PHF1: variants seen among roughly 807,000 people sequenced by gnomAD.
The protein encoded by PHF1 is polycomb-like 1.
In PHF1, 16 loss-of-function variants were observed where a neutral mutation model predicts 69.4. The observed-to-expected ratio is 0.23, with a 90% CI of 0.16 to 0.35. PHF1 has a LOEUF of 0.35. PHF1 is among the 10% of genes least tolerant of loss of function. The probability of loss-of-function intolerance (pLI) is 1.00; values close to 1 mark genes in which losing one functional copy is unlikely to be tolerated. For synonymous variants in PHF1, 274 were observed against 275.0 expected (o/e 1.00, Z 0.04); for missense variants, 515 against 732.8 (o/e 0.70, Z 3.43).
rs761925397 is a variant in PHF1, at chr6:33,415,657, G to C, written c.1402G>C (p.Gly468Arg). ...ASTAGTSGDS[G>R]PPDRSPLELH... ...CACCGCAGGGACCTCTGGGGACAGT[G>C]GACCCCCAGACAGGTGAGATTCTGT... Residue 468 changes from glycine to arginine, a missense_variant, in exon 14 of 15, where the codon GGA becomes CGA. Gly to Arg is a moderately radical substitution (Grantham distance 125). This residue lies in a region of PHF1 where 274 missense variants were observed against 304.5 expected (regional missense o/e 0.90). Coordinates refer to ENST00000374516, the MANE Select transcript of PHF1 (RefSeq NM_024165.3). 6.2e-7 allele frequency: 1 copy of C among 1,613,816 alleles called. No homozygotes were observed. Among genetic ancestry groups the C allele is most frequent in the Non-Finnish European group, 8.5e-7 (1 of 1,179,800 alleles).
intron 13 of PHF1, 87 bp downstream of exon 13, chr6:33,415,416 C>A: frequency 7.8e-7 from 1 of 1,286,648 alleles, no homozygotes; most frequent in Non-Finnish European, 1.1e-6. Context: ...TCTTTTCCCT[C>A]TCCCCCTTGG....
rs113107925 is a variant in PHF1 at position 33,412,965 on chromosome 6, T to C, written c.337+172T>C. On this transcript the variant is annotated intron_variant, in intron 4 of 14. Transcript: ENST00000374516. This position sits in a 1 kb window ranked among gnomAD's most constrained non-coding sequence, Gnocchi z 4.2. ...GAGAAGCAGCCATGGAAAGGGGTGG[T>C]ATAACCTTTGCAGGCAGAAGATGGT... is the stretch of plus-strand genomic sequence containing the variant. 0.014 allele frequency: 9,786 copies of C among 695,168 alleles called. 741 individuals are homozygous for C. In the African/African-American group the frequency reaches 0.16, roughly 11 times the overall value. The allele number at this position is 695,168 out of a possible 1,614,324, so 43.1% of individuals were successfully genotyped here.
intron 1 of PHF1, among the ~76,000 whole-genome samples, chr6:33,411,781 G>T (rs1055031892): frequency 1.3e-5 from 2 of 152,136 alleles, no homozygotes; most frequent in African/African-American, 4.8e-5. Flanking sequence ...CTGGTGATGG[G>T]TGCCCAGTGG....
At position 33,416,192 on chromosome 6, in the gene PHF1, G is replaced by C. The variant is rs768716810; in HGVS notation, c.*94G>C. ...CCTACAGCTGGGATGTACCTGGAGAGATAGGGGGTAGTTCTCCCTACTGCC... is the reference window on the plus strand; with the variant it reads ...CCTACAGCTGGGATGTACCTGGAGACATAGGGGGTAGTTCTCCCTACTGCC... On this transcript the variant is annotated 3_prime_UTR_variant, in exon 15 of 15. Coordinates refer to ENST00000374516, the MANE Select transcript of PHF1 (RefSeq NM_024165.3). 8.7e-7 allele frequency: 1 copy of C among 1,144,932 alleles called. No individual in the cohort carries two copies. The highest frequency in any genetic ancestry group is 1.2e-6 in the Non-Finnish European group (1 of 831,294). 70.9% of individuals were successfully genotyped at this position (1,144,932 alleles called of 1,614,324 possible).
At chr6:33,415,357 A>G (rs370966068) in intron 13 of PHF1, 28 bp downstream of exon 13, 334 of 1,528,566 alleles carry the variant, frequency 2.2e-4, no homozygotes, top group Non-Finnish European at 2.7e-4. Context: ...CCTCCCCCAC[A>G]AAATATGCTC....
At chr6:33,410,952 C>G (rs1466893614), upstream of PHF1, 1 of 145,198 alleles carries the variant, frequency 6.9e-6, no homozygotes, top group African/African-American at 2.6e-5. Flanking sequence ...CCCAGTCCTC[C>G]CCTCCCACCA....
intron 14 of PHF1, 31 bp from the exon 15 acceptor site, chr6:33,415,769 TCCATTTCTGC>T (rs1172066207): frequency 6.3e-7 from 1 of 1,599,546 alleles, no homozygotes; most frequent in Non-Finnish European, 8.6e-7. Flanking sequence ...ACATGTGCTC[TCCATTTCTGC>T]CCATTTCTTA....
chr6:33,412,079 C>T lies in PHF1; in HGVS notation c.-16-169C>T, dbSNP rs1292337895. Among the ~76,000 whole-genome samples, 3 of 151,678 alleles carry T rather than the reference C, an allele frequency of 2.0e-5. No individual in the cohort carries two copies. Among genetic ancestry groups the T allele is most frequent in the Non-Finnish European group, 4.4e-5 (3 of 67,954 alleles). On this transcript the variant is annotated intron_variant, in intron 1 of 14. Coordinates refer to ENST00000374516, the MANE Select transcript of PHF1 (RefSeq NM_024165.3). This position sits in a 1 kb window ranked among gnomAD's most constrained non-coding sequence, Gnocchi z 4.2. ...TGGGAGACTGAGGCAGGAGAATTGC[C>T]TGAACCCGGGAGGTGGAGGTTGCAG... is the stretch of plus-strand genomic sequence containing the variant.
At chr6:33,413,052 A>G (rs1237906222) in intron 4 of PHF1, 144 bp from the exon 5 acceptor site, 4 of 815,518 alleles carry the variant, frequency 4.9e-6, no homozygotes, top group Non-Finnish European at 8.3e-6. Flanking sequence ...TAGGAGCCTC[A>G]GTTCCCTGAC....
chr6:33,412,436 C>T lies in PHF1; in HGVS notation c.159+14C>T, dbSNP rs746555129. ...ACCATCAAAAAGGTAAGACCTTCTA[C>T]CTCTGACCTTCTTCCTAGTTCCCTT... is the stretch of plus-strand genomic sequence containing the variant. On this transcript the variant is annotated intron_variant, in intron 2 of 14. Transcript: ENST00000374516. The surrounding 1 kb of genome is among the most constrained non-coding windows in gnomAD (Gnocchi z 4.2). 2 of 1,614,208 alleles carry T rather than the reference C, an allele frequency of 1.2e-6. No individual in the cohort carries two copies. The highest frequency in any genetic ancestry group is 1.1e-5 in the South Asian group (1 of 91,082).
chr6:33,414,951 A>C lies in PHF1; in HGVS notation c.1050-4A>C. On this transcript the variant is annotated splice_polypyrimidine_tract_variant and splice_region_variant and intron_variant, in intron 11 of 14. Transcript: ENST00000374516. The surrounding 1 kb of genome is among the most constrained non-coding windows in gnomAD (Gnocchi z 5.0). ...GGCTGGGGGGATAAGGAGGCCTCTT[A>C]CAGCTTCCCTTCAGGGCAGGGCCCT... 1 of 1,525,628 alleles carries C rather than the reference A, an allele frequency of 6.6e-7. No homozygotes were observed. The highest frequency in any genetic ancestry group is 8.8e-7 in the Non-Finnish European group (1 of 1,135,178). 94.5% of individuals were successfully genotyped at this position (1,525,628 alleles called of 1,614,324 possible).
At position 33,416,024 on chromosome 6, in the gene PHF1, G is replaced by A; in HGVS notation, c.1630G>A (p.Val544Ile). The change falls in exon 15 of 15, where the codon GTC (valine) becomes ATC (isoleucine). Residue 544 changes from valine to isoleucine, a missense_variant. Coordinates refer to ENST00000374516, the MANE Select transcript of PHF1 (RefSeq NM_024165.3). ...CCTGTCCCGAGGGGACCCTGTCCGG[G>A]TCCTTGCTCGGAGAGTACGGCCTGA... Reference protein sequence around the residue: ...GYLSRGDPVRVLARRVRPDGS... With the variant: ...GYLSRGDPVRILARRVRPDGS... The A allele has an allele frequency of 1.9e-6, 3 of 1,612,540 alleles. No homozygotes were observed. The highest frequency in any genetic ancestry group is 2.5e-6 in the Non-Finnish European group (3 of 1,179,054).
In PHF1 at chr6:33,414,633, G is replaced by T. The variant is rs1391676838; in HGVS notation, c.944+89G>T. ...AAGGGGAGGGGCTTGCAACCCACCT[G>T]GAAGACTGTGACTGAAAAGGATTGA... On this transcript the variant is annotated intron_variant, in intron 10 of 14. Transcript: ENST00000374516. The surrounding 1 kb of genome is among the most constrained non-coding windows in gnomAD (Gnocchi z 5.0). The T allele has an allele frequency of 1.3e-6, 2 of 1,526,728 alleles. No individual in the cohort carries two copies. The highest frequency in any genetic ancestry group is 3.2e-5 in the African/African-American group (2 of 63,162). The allele number at this position is 1,526,728 out of a possible 1,614,324, so 94.6% of individuals were successfully genotyped here. A position where few individuals can be genotyped will look rare whatever the true frequency, so the allele number is the denominator to read the frequency against.
In PHF1 at chr6:33,412,493, G is replaced by T; in HGVS notation, c.160-15G>T. 1 of 1,614,222 alleles carries T rather than the reference G, an allele frequency of 6.2e-7. No homozygotes were observed. The highest frequency in any genetic ancestry group is 1.6e-4 in the Middle Eastern group (1 of 6,062). ...TTCTGGTTCCCATTTCATCCTGTTT[G>T]CTCACCCATTCCAGGTGGACAGTGC... On this transcript the variant is annotated splice_polypyrimidine_tract_variant and intron_variant, in intron 2 of 14. Coordinates refer to ENST00000374516, the MANE Select transcript of PHF1 (RefSeq NM_024165.3). This position sits in a 1 kb window ranked among gnomAD's most constrained non-coding sequence, Gnocchi z 4.2.
chr6:33,414,114 G>A lies in PHF1; in HGVS notation c.752+5G>A. 6.2e-7 allele frequency: 1 copy of A among 1,614,108 alleles called. No individual in the cohort carries two copies. Among genetic ancestry groups the A allele is most frequent in the Non-Finnish European group, 8.5e-7 (1 of 1,180,028 alleles). On this transcript the variant is annotated splice_donor_5th_base_variant and intron_variant, in intron 8 of 14. Transcript: ENST00000374516. The surrounding 1 kb of genome is among the most constrained non-coding windows in gnomAD (Gnocchi z 5.0). ...CCGGAGACTACAGCTTCGCTGGTGA[G>A]CTGGATTGGGCATGACCTCAGTGTA...
Position 33,412,669 on chromosome 6 carries a change from A to C in PHF1, c.242-29A>C, listed in dbSNP as rs903895459. 9 of 1,611,906 alleles carry C rather than the reference A, an allele frequency of 5.6e-6. No homozygotes were observed. Among genetic ancestry groups the C allele is most frequent in the Non-Finnish European group, 7.6e-6 (9 of 1,177,930 alleles). On this transcript the variant is annotated intron_variant, in intron 3 of 14. Transcript: ENST00000374516. This position sits in a 1 kb window ranked among gnomAD's most constrained non-coding sequence, Gnocchi z 4.2. ...GAGGGGCAGAAAGAGACTTAAAGGC[A>C]GGCCCTGTGACACTGTGTTCTCTCA... is the stretch of plus-strand genomic sequence containing the variant.
At position 33,415,288 on chromosome 6, in the gene PHF1, C is replaced by T. The variant is rs146745688; in HGVS notation, c.1293C>T (p.Ser431=). 176 of 1,613,802 alleles carry T rather than the reference C, an allele frequency of 1.1e-4. No individual in the cohort carries two copies. The Admixed American group carries it at 1.3e-3, about 11-fold the overall frequency. ...PSPNQSYQGS[S]GYNFRPTDAR... ...CTAACCAGAGTTACCAGGGCAGCAGCGGCTACAACTTCCGGCCCACAGATG... is the reference window on the plus strand; with the variant it reads ...CTAACCAGAGTTACCAGGGCAGCAGTGGCTACAACTTCCGGCCCACAGATG... Residue 431 remains serine (S), a synonymous_variant, in exon 13 of 15, where the codon AGC becomes AGT. Transcript: ENST00000374516.
At chr6:33,413,614 G>A (rs750051027) in intron 6 of PHF1, 57 bp downstream of exon 6, 59 of 1,610,520 alleles carry the variant, frequency 3.7e-5, no homozygotes, top group Middle Eastern at 1.6e-4. Flanking sequence ...TGGATCCCAG[G>A]AAATGAAGGA....
chr6:33,415,250 C>A lies in PHF1; in HGVS notation c.1255C>A (p.Pro419Thr), dbSNP rs770216568. Residue 419 changes from proline to threonine, a missense_variant, in exon 13 of 15, where the codon CCA (proline) becomes ACA (threonine). Around this residue, in one of 5 missense-constraint regions of PHF1, gnomAD observed 274 missense variants for 304.5 expected, o/e 0.90. Transcript: ENST00000374516. ...CCTCTTCTAGGCCTCAGTGTCTCCA[C>A]CATCCCCCAGCCCTAACCAGAGTTA... The part of the protein sequence containing the change: ...QRALQASVSP[P>T]SPSPNQSYQG... The A allele has an allele frequency of 2.2e-5, 35 of 1,613,798 alleles. No individual in the cohort carries two copies. The highest frequency in any genetic ancestry group is 1.6e-4 in the Middle Eastern group (1 of 6,080).
Sources: gnomAD v4.1 joint callset for allele counts (sites outside exome capture counted in the v4.1 genomes callset) on GRCh38, gnomAD v4.1.1 for gene constraint, gnomAD v4.1.1 regional missense constraint, Gnocchi (gnomAD v3.1) non-coding constraint, MANE v1.5 for transcripts, NCBI Gene and HGNC (gene_info 2026-07-23, HGNC 2026-07-21) for gene names.